Variants in PLAT observed in about 807,000 individuals in gnomAD.
PLAT encodes the protein plasminogen activator, tissue type.
In PLAT, 48 loss-of-function variants were observed where a neutral mutation model predicts 74.9. The ratio of observed to expected loss-of-function variants is 0.64; its 90% CI spans 0.51 to 0.82. The LOEUF is 0.82. Ranked by LOEUF, PLAT falls within the 40% of genes least tolerant of loss-of-function variation. PLAT has a pLI of 0.00. For missense variants in PLAT, 673 were observed against 736.2 expected, an observed-to-expected ratio of 0.91 and a Z score of 0.99; for synonymous variants, 307 against 294.4, an observed-to-expected ratio of 1.04 and a Z score of -0.44.
chr8:42,176,777 G>A (rs1230276469), intron 13 of PLAT, among the ~76,000 whole-genome samples: 3 of 152,056 alleles, frequency 2.0e-5, no homozygotes, highest in Admixed American at 6.6e-5. Flanking sequence ...TATTATGGCC[G>A]CCATCATTCA....
At chr8:42,193,852 A>G (rs915150757) in intron 1 of PLAT, 1 of 151,430 alleles carries the variant, frequency 6.6e-6, no homozygotes, top group Non-Finnish European at 1.5e-5. Flanking sequence ...AGTAGCTGGG[A>G]CTACAGGCGC....
intron 1 of PLAT, among the ~76,000 whole-genome samples, chr8:42,196,788 T>C (rs1283144203): frequency 1.3e-5 from 2 of 150,752 alleles, no homozygotes; most frequent in African/African-American, 4.9e-5. Context: ...TTCTGTGTTA[T>C]CTCCCTTTTG....
chr8:42,188,069 A>T, intron 4 of PLAT, 53 bp from the exon 5 acceptor site: 3 of 1,104,094 alleles, frequency 2.7e-6, no homozygotes, highest in Non-Finnish European at 4.1e-6. Context: ...CTGTGTGCTC[A>T]GGCCATGGTT....
At chr8:42,199,160 C>T (rs918758382) in intron 1 of PLAT, among the ~76,000 whole-genome samples, 2 of 152,228 alleles carry the variant, frequency 1.3e-5, no homozygotes, top group African/African-American at 2.4e-5. Context: ...ACTACCATCA[C>T]ATAAGTAATT....
rs777690688 is a variant in PLAT, at chr8:42,193,124, G to A, written c.62C>T (p.Ser21Leu). 6.8e-6 allele frequency: 11 copies of A among 1,612,722 alleles called. No homozygotes were observed. In the South Asian group the frequency reaches 7.7e-5, roughly 11 times the overall value. ...VLLLCGAVFV[S>L]PSQEIHARFR... ...ATCCTGCACACCAACCTGGCTGGGC[G>A]AAACGAAGACTGCTCCACACAGCAG... The change falls in exon 2 of 14, where the codon TCG becomes TTG. Residue 21 changes from serine to leucine, a missense_variant. Coordinates refer to ENST00000220809, the MANE Select transcript of PLAT (RefSeq NM_000930.5).
At chr8:42,203,992 T>TATATACACACACACAC (rs1554499838) in intron 1 of PLAT, among the ~76,000 whole-genome samples, 2 of 109,886 alleles carry the variant, frequency 1.8e-5, no homozygotes, top group African/African-American at 1.0e-4. Context: ...TATATATATA[T>TATATACACACACACAC]ACACACACAC....
chr8:42,191,221 A>C, intron 3 of PLAT, 151 bp downstream of exon 3: 1 of 677,014 alleles, frequency 1.5e-6, no homozygotes, highest in Non-Finnish European at 2.7e-6. Context: ...GTGCCGACAC[A>C]GGCATCTCTG....
intron 1 of PLAT, 98 bp from the exon 2 acceptor site, chr8:42,193,309 C>G: frequency 1.4e-6 from 1 of 723,000 alleles, no homozygotes; most frequent in Non-Finnish European, 2.4e-6. Context: ...CTGGCTTCCT[C>G]CAGTGCCAGC....
chr8:42,184,906 C>T (rs570222462), intron 7 of PLAT, 175 bp downstream of exon 7: 4 of 479,166 alleles, frequency 8.3e-6, no homozygotes, highest in Non-Finnish European at 1.5e-5. Context: ...AATAGCCAGT[C>T]AGAGGCCAAG....
At chr8:42,178,774 G>T in intron 13 of PLAT, 123 bp downstream of exon 13, 1 of 885,790 alleles carries the variant, frequency 1.1e-6, no homozygotes, top group East Asian at 2.5e-5. Context: ...GAATCCCCAG[G>T]GGTATCACTA....
Position 42,180,255 on chromosome 8 carries a change from G to T in PLAT, c.1209C>A (p.Tyr403Ter), listed in dbSNP as rs767986898. The part of the protein sequence containing the change: ...IVHKEFDDDT[Y>*]DNDIALLQLK... ...ACGAGCTCTTACCAATGTCATTGTC[G>T]TAAGTGTCATCATCGAATTCCTTAT... The change falls in exon 11 of 14, where the codon TAC becomes TAA. Residue 403 changes from tyrosine (Y) to a stop codon, truncating the protein, a stop_gained. Coordinates refer to ENST00000220809, the MANE Select transcript of PLAT (RefSeq NM_000930.5). LOFTEE classifies it high-confidence loss of function. 6.2e-7 allele frequency: 1 copy of T among 1,614,200 alleles called. No individual in the cohort carries two copies. Among genetic ancestry groups the T allele is most frequent in the Non-Finnish European group, 8.5e-7 (1 of 1,180,014 alleles).
chr8:42,192,862 T>C (rs1805738272), intron 2 of PLAT, among the ~76,000 whole-genome samples: 1 of 152,144 alleles, frequency 6.6e-6, no homozygotes, highest in Non-Finnish European at 1.5e-5. Flanking sequence ...GGGAGTGGCA[T>C]GTTAATTCCG....
intron 2 of PLAT, among the ~76,000 whole-genome samples, chr8:42,192,488 T>A (rs1805725442): frequency 6.6e-6 from 1 of 152,182 alleles, no homozygotes. Context: ...TGAGCTATGA[T>A]TGTGCCATTG....
intron 11 of PLAT, 79 bp from the exon 12 acceptor site, chr8:42,180,145 G>A (rs1384451386): frequency 4.4e-6 from 7 of 1,586,678 alleles, no homozygotes; most frequent in Non-Finnish European, 2.6e-6. Context: ...AGGGGCAGGG[G>A]CTGGAGGAGG....
intron 6 of PLAT, 180 bp downstream of exon 6, chr8:42,187,211 CCTATCAT>C (rs1032687467): frequency 1.4e-4 from 72 of 499,422 alleles, no homozygotes; most frequent in African/African-American, 9.5e-4. Flanking sequence ...TAATCTATCA[CCTATCAT>C]CTATCATCTA....
At chr8:42,201,047 C>G (rs1385695691) in intron 1 of PLAT, among the ~76,000 whole-genome samples, 2 of 152,206 alleles carry the variant, frequency 1.3e-5, no homozygotes, top group Non-Finnish European at 2.9e-5. Context: ...CCAGGCTGGT[C>G]TCGAACTCCC....
intron 1 of PLAT, among the ~76,000 whole-genome samples, chr8:42,198,407 G>T (rs191796214): frequency 2.2e-4 from 34 of 152,298 alleles, no homozygotes; most frequent in Non-Finnish European, 4.3e-4. Context: ...CAGGAGAATC[G>T]CTTGAACCCG....
At chr8:42,192,143 A>T (rs191000352) in intron 2 of PLAT, among the ~76,000 whole-genome samples, 15 of 151,530 alleles carry the variant, frequency 9.9e-5, no homozygotes, top group African/African-American at 1.7e-4. Flanking sequence ...AGCTGGGACC[A>T]CAGGTGCATA....
intron 13 of PLAT, 51 bp downstream of exon 13, chr8:42,178,846 G>A (rs1052744690): frequency 1.3e-6 from 2 of 1,556,516 alleles, no homozygotes; most frequent in African/African-American, 2.7e-5. Context: ...GTTGTCCCAG[G>A]GGCATTCTCC....
Sources: allele counts gnomAD v4.1 joint callset (sites outside exome capture counted in the v4.1 genomes callset), GRCh38; gene constraint gnomAD v4.1.1; transcripts MANE v1.5; gene names NCBI Gene and HGNC (gene_info 2026-07-23, HGNC 2026-07-21).